VCL: variants seen among roughly 807,000 people sequenced by gnomAD.
VCL encodes vinculin.
In VCL, 47 loss-of-function variants were observed where a neutral mutation model predicts 125.7. That is an observed-to-expected ratio of 0.37 (90% CI 0.30 to 0.48). The LOEUF (loss-of-function observed/expected upper bound fraction) is 0.48, where lower values mean the gene tolerates loss of function less well. VCL is among the 20% of genes least tolerant of loss of function. The pLI is 0.99. For missense variants in VCL, 1,069 were observed against 1,455.5 expected, an observed-to-expected ratio of 0.73 and a Z score of 4.32; for synonymous variants, 458 against 514.6, an observed-to-expected ratio of 0.89 and a Z score of 1.49.
At chr10:74,087,714 A>G (rs1013348425) in intron 8 of VCL, among the ~76,000 whole-genome samples, 1 of 150,966 alleles carries the variant, frequency 6.6e-6, no homozygotes, top group African/African-American at 2.4e-5. Context: ...GGTGGCTCAC[A>G]CCTGTAATCC....
At chr10:74,013,922 C>T (rs907449082) in intron 1 of VCL, among the ~76,000 whole-genome samples, 1 of 151,970 alleles carries the variant, frequency 6.6e-6, no homozygotes, top group African/African-American at 2.4e-5. Flanking sequence ...AATGTCTAAG[C>T]ATAGCTTCTA....
At chr10:74,096,029 A>G (rs935309521) in intron 12 of VCL, among the ~76,000 whole-genome samples, 174 bp downstream of exon 12, 1 of 152,180 alleles carries the variant, frequency 6.6e-6, no homozygotes, top group East Asian at 1.9e-4. Context: ...GCTTGCTGGT[A>G]TATAGTAGCA....
At chr10:73,998,802 CG>C (rs1216307542) in intron 1 of VCL, among the ~76,000 whole-genome samples, 1 of 152,182 alleles carries the variant, frequency 6.6e-6, no homozygotes, top group Non-Finnish European at 1.5e-5. Context: ...TCTGGCTGTG[CG>C]GGGGAGGGAG....
At chr10:74,035,800 T>A (rs1164043776) in intron 1 of VCL, among the ~76,000 whole-genome samples, 1 of 152,252 alleles carries the variant, frequency 6.6e-6, no homozygotes, top group Non-Finnish European at 1.5e-5. Flanking sequence ...TTTAGCCAAC[T>A]GCGGATTGAA....
chr10:74,035,296 A>G (rs1840953756), intron 1 of VCL, among the ~76,000 whole-genome samples: 1 of 150,612 alleles, frequency 6.6e-6, no homozygotes, highest in Admixed American at 6.6e-5. Context: ...ATCTCTCTAC[A>G]TTACCAAACC....
At chr10:74,005,498 C>T (rs1451476502) in intron 1 of VCL, among the ~76,000 whole-genome samples, 1 of 152,132 alleles carries the variant, frequency 6.6e-6, no homozygotes, top group Non-Finnish European at 1.5e-5. Context: ...TCATGTGATC[C>T]ACCCGCCTTG....
At chr10:74,066,067 T>A (rs1035231995) in intron 2 of VCL, among the ~76,000 whole-genome samples, 2,556 of 109,224 alleles carry the variant, frequency 0.023, 79 homozygotes, top group Admixed American at 0.078. Context: ...ATATATTTTT[T>A]TTTTTTTTTG....
At chr10:74,043,829 C>T (rs904597899) in intron 2 of VCL, among the ~76,000 whole-genome samples, 5 of 151,252 alleles carry the variant, frequency 3.3e-5, no homozygotes, top group South Asian at 4.3e-4. Context: ...TTGTTTTGGC[C>T]GGGCGTGGTG....
intron 2 of VCL, chr10:74,063,635 G>A (rs1334877834): frequency 6.6e-6 from 1 of 152,060 alleles, no homozygotes; most frequent in Admixed American, 6.5e-5. Context: ...TGAAGAATGA[G>A]GACAAAACAG....
chr10:74,101,862 CTTT>C (rs561525230), intron 14 of VCL, among the ~76,000 whole-genome samples: 17 of 132,976 alleles, frequency 1.3e-4, no homozygotes, highest in Admixed American at 1.5e-4. Context: ...TTTGGATAAT[CTTT>C]TTTTTTTTTT....
At chr10:74,056,359 G>A (rs573010442) in intron 2 of VCL, among the ~76,000 whole-genome samples, 207 of 152,096 alleles carry the variant, frequency 1.4e-3, no homozygotes, top group African/African-American at 4.7e-3. Context: ...TTGACAAATG[G>A]AAATTGTATA....
At chr10:74,049,420 AT>A (rs1841257852) in intron 2 of VCL, among the ~76,000 whole-genome samples, 2 of 152,194 alleles carry the variant, frequency 1.3e-5, no homozygotes, top group Non-Finnish European at 2.9e-5. Context: ...AAAAAGAAAT[AT>A]TTTAAGACGT....
intron 1 of VCL, among the ~76,000 whole-genome samples, chr10:74,028,161 G>T (rs1253267859): frequency 6.6e-6 from 1 of 152,006 alleles, no homozygotes; most frequent in Non-Finnish European, 1.5e-5. Flanking sequence ...CTACAGCCTC[G>T]ATCTTCTCAG....
At position 74,043,098 on chromosome 10, in the gene VCL, G is replaced by A. The variant is rs147809878; in HGVS notation, c.184G>A (p.Val62Ile). 7 of 1,613,272 alleles carry A rather than the reference G, an allele frequency of 4.3e-6. No individual in the cohort carries two copies. Among genetic ancestry groups the A allele is most frequent in the Middle Eastern group, 1.7e-4 (1 of 6,044 alleles). Residue 62 changes from valine (V) to isoleucine (I), a missense_variant, in exon 2 of 22, where the codon GTT becomes ATT. Coordinates refer to ENST00000211998, the MANE Select transcript of VCL (RefSeq NM_014000.3). The stretch of plus-strand genomic sequence containing the variant: ...CCTCTTGTAGGTTGGAAAAGAGACT[G>A]TTCAAACCACTGAGGATCAGATTTT... ...SNLVRVGKETVQTTEDQILKR... is the reference protein window; with the variant it reads ...SNLVRVGKETIQTTEDQILKR...
Position 74,111,913 on chromosome 10 carries a change from G to A in VCL, c.2750G>A (p.Gly917Asp). ...DEARKWSSKP[G>D]IPAAEVGIGV... is the part of the protein sequence containing the mutation. ...TCCTTCCCGCCATCGACAAAGCCGG[G>A]CATCCCAGCCGCTGAGGTGGGTATA... The change falls in exon 19 of 22, where the codon GGC (glycine) becomes GAC (aspartate). Residue 917 changes from glycine to aspartate, a missense_variant. Gly to Asp is a moderately conservative substitution (Grantham distance 94, BLOSUM62 -1). Transcript: ENST00000211998. 6.2e-7 allele frequency: 1 copy of A among 1,614,196 alleles called. No homozygotes were observed. The highest frequency in any genetic ancestry group is 1.1e-5 in the South Asian group (1 of 91,086).
At chr10:74,052,517 C>T (rs1841320802) in intron 2 of VCL, among the ~76,000 whole-genome samples, 1 of 151,744 alleles carries the variant, frequency 6.6e-6, no homozygotes, top group African/African-American at 2.4e-5. Context: ...GCTGGGACTA[C>T]AGGTGTGCAC....
rs545539526 is a variant in VCL, at chr10:74,091,791, C to CAAAAAAAAAA, written c.1352+1607_1352+1616dup. Among the ~76,000 whole-genome samples the CAAAAAAAAAA allele has an allele frequency of 1.4e-3, 84 of 60,930 alleles. 1 individual carries two copies. Among genetic ancestry groups the CAAAAAAAAAA allele is most frequent in the East Asian group, 3.3e-3 (4 of 1,200 alleles). The allele number at this position is 60,930 out of a possible 152,430, so 40.0% of individuals were successfully genotyped here. A position where few individuals can be genotyped will look rare whatever the true frequency, so the allele number is the denominator to read the frequency against. ...GTGACAGAGTGAGACTCTGTCTCAG[C>CAAAAAAAAAA]AAAAAAAAAAAAAAAAAAAAAAAGA... On this transcript the variant is annotated intron_variant, in intron 10 of 21. Coordinates refer to ENST00000211998, the MANE Select transcript of VCL (RefSeq NM_014000.3).
intron 1 of VCL, among the ~76,000 whole-genome samples, chr10:74,013,350 G>T (rs774944944): frequency 3.9e-5 from 6 of 152,084 alleles, no homozygotes; most frequent in Non-Finnish European, 8.8e-5. Flanking sequence ...CTGGGGTGCA[G>T]ATGGGGATAA....
intron 1 of VCL, among the ~76,000 whole-genome samples, chr10:74,041,293 G>C (rs1379462666): frequency 1.3e-5 from 2 of 151,728 alleles, no homozygotes; most frequent in Non-Finnish European, 2.9e-5. Context: ...ATATGATTTA[G>C]TACTCTTAGG....
Sources: gnomAD v4.1 joint callset for allele counts (sites outside exome capture counted in the v4.1 genomes callset) on GRCh38, gnomAD v4.1.1 for gene constraint, MANE v1.5 for transcripts, NCBI Gene and HGNC (gene_info 2026-07-23, HGNC 2026-07-21) for gene names.